The following CA5B variants were observed in gnomAD, a reference collection of about 807,000 sequenced individuals.
CA5B encodes carbonic anhydrase 5B, mitochondrial.
CA5B carries 15 observed loss-of-function variants against 23.1 expected under a neutral mutation model. That is an observed-to-expected ratio of 0.65 (90% CI 0.43 to 1.00). The LOEUF (loss-of-function observed/expected upper bound fraction) is 1.00, where lower values mean the gene tolerates loss of function less well. Among genes scored for constraint, CA5B ranks in the 50% least tolerant of loss-of-function variants. CA5B has a pLI of 0.00. For missense variants in CA5B, 236 were observed against 252.2 expected (o/e 0.94, Z 0.43); for synonymous variants, 84 against 98.5 (o/e 0.85, Z 0.87).
At chrX:15,755,498 A>G (rs1388621606) in intron 2 of CA5B, among the ~76,000 whole-genome samples, 1 of 112,824 alleles carries the variant, frequency 8.9e-6, no homozygotes, top group African/African-American at 3.2e-5. Flanking sequence ...GGATATCTTC[A>G]GTAACATGAG....
chrX:15,756,135 C>A (rs1446112683), intron 2 of CA5B, among the ~76,000 whole-genome samples: 2 of 111,461 alleles, frequency 1.8e-5, no homozygotes, highest in Non-Finnish European at 3.8e-5. Flanking sequence ...AGAGAAGGGG[C>A]TTGAACTGAC....
chrX:15,762,752 G>C, intron 2 of CA5B: 1 of 343,704 alleles, frequency 2.9e-6, no homozygotes, highest in South Asian at 2.6e-5. Context: ...GAGGGTCGTT[G>C]GTAATTATTT....
intron 1 of CA5B, among the ~76,000 whole-genome samples, chrX:15,740,540 C>A (rs1931097981): frequency 1.8e-5 from 2 of 112,560 alleles, no homozygotes; most frequent in Non-Finnish European, 3.8e-5. Flanking sequence ...TCACCTGGAT[C>A]TTCCAAGCTC....
intron 2 of CA5B, among the ~76,000 whole-genome samples, chrX:15,761,453 C>A (rs771176482): frequency 8.9e-6 from 1 of 112,273 alleles, no homozygotes; most frequent in East Asian, 2.8e-4. Context: ...TCAGATGTGC[C>A]AGTTCATGTG....
At chrX:15,743,842 C>A (rs1179689873) in intron 1 of CA5B, among the ~76,000 whole-genome samples, 2 of 111,855 alleles carry the variant, frequency 1.8e-5, no homozygotes, top group Non-Finnish European at 3.8e-5. Context: ...CAGAAATACT[C>A]TTGGCTTTCT....
chrX:15,766,185 A>G (rs1446531604), intron 3 of CA5B, among the ~76,000 whole-genome samples: 2 of 102,266 alleles, frequency 2.0e-5, no homozygotes, highest in Non-Finnish European at 3.9e-5. Context: ...AAAAGTAAAT[A>G]TTCACTCCTG....
intron 1 of CA5B, among the ~76,000 whole-genome samples, chrX:15,738,591 C>T (rs778528843): frequency 9.0e-6 from 1 of 111,229 alleles, no homozygotes; most frequent in East Asian, 2.8e-4. Flanking sequence ...AGTTACCAAA[C>T]GGCTGTCATC....
At chrX:15,780,965 T>TAA (rs1932011810) in intron 7 of CA5B, among the ~76,000 whole-genome samples, 1 of 110,139 alleles carries the variant, frequency 9.1e-6, no homozygotes, top group African/African-American at 3.4e-5. Flanking sequence ...TGGCCTGAAG[T>TAA]AAAGTATTTT....
In CA5B at chrX:15,785,528, G is replaced by A. The variant is rs1230129272; in HGVS notation, c.*2864G>A. On this transcript the variant is annotated 3_prime_UTR_variant, in exon 8 of 8. Coordinates refer to ENST00000318636, the MANE Select transcript of CA5B (RefSeq NM_007220.4). The stretch of plus-strand genomic sequence containing the variant: ...CCAAGCAACGGTTGGGGGAAGGGGA[G>A]AGGGTGAATTTGTATTTAGTGGGTA... 3.6e-5 allele frequency: 4 copies of A among 112,371 alleles called. No homozygotes were observed. The highest frequency in any genetic ancestry group is 1.3e-4 in the African/African-American group (4 of 30,951). 9.3% of individuals were successfully genotyped at this position (112,371 alleles called of 1,213,427 possible).
At chrX:15,767,810 G>A (rs11796442) in intron 3 of CA5B, among the ~76,000 whole-genome samples, 34,042 of 101,707 alleles carry the variant, frequency 0.33, 5,662 homozygotes, top group Non-Finnish European at 0.49. Flanking sequence ...GGCTGGTCTC[G>A]AACTCCTGAC....
intron 1 of CA5B, among the ~76,000 whole-genome samples, chrX:15,749,381 A>G (rs1261644622): frequency 1.8e-5 from 2 of 112,259 alleles, no homozygotes; most frequent in Middle Eastern, 4.2e-3. Context: ...CCCATGTTCA[A>G]GGGCCATTGT....
Position 15,783,472 on chromosome X carries a change from A to C in CA5B, c.*808A>C, listed in dbSNP as rs931624210. The C allele has an allele frequency of 1.8e-5, 2 of 111,842 alleles. No homozygotes were observed. Among genetic ancestry groups the C allele is most frequent in the East Asian group, 5.6e-4 (2 of 3,574 alleles). The allele number at this position is 111,842 out of a possible 1,213,427, so 9.2% of individuals were successfully genotyped here. ...ATATTTTGCTTAAAGGTCTGATCAT[A>C]TAGGAAATATATGCAGAACATTTTA... On this transcript the variant is annotated 3_prime_UTR_variant, in exon 8 of 8. Transcript: ENST00000318636.
intron 2 of CA5B, among the ~76,000 whole-genome samples, chrX:15,761,766 C>G (rs1931607504): frequency 9.0e-6 from 1 of 110,949 alleles, no homozygotes; most frequent in Non-Finnish European, 1.9e-5. Flanking sequence ...AGCAGCATCC[C>G]TGGCCTCTAA....
Position 15,783,997 on chromosome X carries a change from C to T in CA5B, c.*1333C>T, listed in dbSNP as rs1390546753. On this transcript the variant is annotated 3_prime_UTR_variant, in exon 8 of 8. Transcript: ENST00000318636. The stretch of plus-strand genomic sequence containing the variant: ...CCACCTCCCGGGTTTAAGCGATTCT[C>T]CTGCCTCAGCCTCCTGAGTAACTGG... 9.7e-6 allele frequency: 1 copy of T among 103,296 alleles called. No individual in the cohort carries two copies. Among genetic ancestry groups the T allele is most frequent in the African/African-American group, 3.5e-5 (1 of 28,272 alleles). 8.5% of individuals were successfully genotyped at this position (103,296 alleles called of 1,213,427 possible). A position where few individuals can be genotyped will look rare whatever the true frequency, so the allele number is the denominator to read the frequency against.
chrX:15,776,780 A>G lies in CA5B; in HGVS notation c.685A>G (p.Thr229Ala), dbSNP rs201190767. The change falls in exon 7 of 8, where the codon ACC (threonine) becomes GCC (alanine). Residue 229 changes from threonine (T) to alanine (A), a missense_variant. Physicochemically the swap from Thr to Ala is moderately conservative, Grantham distance 58. This residue lies in a region of CA5B where 170 missense variants were observed against 162.0 expected (regional missense o/e 1.05). Transcript: ENST00000318636. ...GATGCCTACCTGCCCAGATTACTGG[A>G]CCTACTCAGGGTCTCTGACTACCCC... ...CLMPTCPDYW[T>A]YSGSLTTPPL... 8.3e-7 allele frequency: 1 copy of G among 1,206,901 alleles called. No individual in the cohort carries two copies. Among genetic ancestry groups the G allele is most frequent in the Non-Finnish European group, 1.1e-6 (1 of 891,008 alleles).
At chrX:15,753,167 G>A (rs1484668525) in intron 2 of CA5B, among the ~76,000 whole-genome samples, 1 of 112,296 alleles carries the variant, frequency 8.9e-6, no homozygotes, top group Non-Finnish European at 1.9e-5. Context: ...ACAGGCCACA[G>A]TCACCCATAT....
At chrX:15,769,391 A>G (rs1931775828) in intron 3 of CA5B, 2 of 576,831 alleles carry the variant, frequency 3.5e-6, no homozygotes, top group Non-Finnish European at 4.2e-6. Flanking sequence ...GAGTGCATAT[A>G]AGAGAGTCGA....
chrX:15,764,837 A>G (rs1931674687), intron 3 of CA5B, 62 bp downstream of exon 3: 3 of 778,397 alleles, frequency 3.9e-6, no homozygotes, highest in South Asian at 2.7e-5. Flanking sequence ...TTAACAGAGG[A>G]CACATCAAAC....
intron 2 of CA5B, among the ~76,000 whole-genome samples, chrX:15,754,405 A>G (rs1931449579): frequency 8.9e-6 from 1 of 112,524 alleles, no homozygotes; most frequent in African/African-American, 3.2e-5. Context: ...AGTGAATGAA[A>G]GTAGGAGGTT....
Sources: allele counts gnomAD v4.1 joint callset (sites outside exome capture counted in the v4.1 genomes callset), GRCh38; gene constraint gnomAD v4.1.1; regional missense constraint gnomAD v4.1.1; transcripts MANE v1.5; gene names NCBI Gene and HGNC (gene_info 2026-07-23, HGNC 2026-07-21).